Variants in RALYL observed in about 807,000 individuals in gnomAD.
RALYL encodes RALY RNA binding protein like.
Under a neutral mutation model 35.1 loss-of-function variants are expected in RALYL, and 29 were observed. That is an observed-to-expected ratio of 0.83 (90% confidence interval 0.61 to 1.13). The LOEUF is 1.13. Ranked by LOEUF, RALYL falls within the 50% of genes most tolerant of loss-of-function variation. The pLI, the probability that RALYL is intolerant of heterozygous loss-of-function variation, is 0.00. For synonymous variants in RALYL, 120 were observed against 127.6 expected (o/e 0.94, Z 0.40); for missense variants, 359 against 360.4 (o/e 1.00, Z 0.03).
At chr8:84,618,203 G>C (rs1325527757) in intron 2 of RALYL, among the ~76,000 whole-genome samples, 1 of 151,806 alleles carries the variant, frequency 6.6e-6, no homozygotes, top group Non-Finnish European at 1.5e-5. Flanking sequence ...GTAGAATTCG[G>C]CTGTGAATCC....
intron 8 of RALYL, among the ~76,000 whole-genome samples, chr8:84,893,947 G>C (rs547089054): frequency 6.6e-6 from 1 of 152,252 alleles, no homozygotes; most frequent in African/African-American, 2.4e-5. Flanking sequence ...TGAGTACTAC[G>C]TTGTAATACA....
intron 1 of RALYL, among the ~76,000 whole-genome samples, chr8:84,467,608 A>C (rs1265815629): frequency 4.6e-5 from 7 of 151,528 alleles, no homozygotes; most frequent in Admixed American, 3.9e-4. Flanking sequence ...GCTGAAAAAA[A>C]TGTATATTCT....
intron 1 of RALYL, among the ~76,000 whole-genome samples, chr8:84,272,465 G>A: frequency 6.6e-6 from 1 of 152,126 alleles, no homozygotes; most frequent in East Asian, 1.9e-4. Context: ...AAACTAGCAG[G>A]CTGCTGCTAC....
At chr8:84,264,279 G>A (rs1260881794) in intron 1 of RALYL, among the ~76,000 whole-genome samples, 1 of 152,044 alleles carries the variant, frequency 6.6e-6, no homozygotes, top group African/African-American at 2.4e-5. Flanking sequence ...AGCATCTGTT[G>A]TTTCTTGGCT....
intron 2 of RALYL, among the ~76,000 whole-genome samples, chr8:84,732,617 A>G (rs543030717): frequency 3.1e-4 from 46 of 150,044 alleles, no homozygotes; most frequent in Middle Eastern, 3.5e-3. Flanking sequence ...AAAGGATAAA[A>G]CATGTAATTT....
intron 8 of RALYL, among the ~76,000 whole-genome samples, chr8:84,900,513 T>C (rs971040803): frequency 1.3e-5 from 2 of 151,866 alleles, no homozygotes; most frequent in African/African-American, 4.8e-5. Context: ...CCTGTCTCTA[T>C]GAAAAATAGA....
chr8:84,783,268 C>T (rs1442952717), intron 3 of RALYL, among the ~76,000 whole-genome samples: 1 of 152,076 alleles, frequency 6.6e-6, no homozygotes. Context: ...AAGTATTTTC[C>T]CAAGTCAGAA....
intron 2 of RALYL, among the ~76,000 whole-genome samples, chr8:84,741,538 A>C (rs1807306676): frequency 6.6e-6 from 1 of 152,056 alleles, no homozygotes; most frequent in African/African-American, 2.4e-5. Flanking sequence ...GAGAAACTAA[A>C]GGGTAAAAGT....
intron 2 of RALYL, among the ~76,000 whole-genome samples, chr8:84,749,364 A>C (rs777322320): frequency 9.2e-5 from 14 of 152,118 alleles, no homozygotes; most frequent in Non-Finnish European, 1.8e-4. Flanking sequence ...GCTTTGCCTT[A>C]AATGCAATTC....
At chr8:84,460,797 A>G (rs1014435535) in intron 1 of RALYL, among the ~76,000 whole-genome samples, 4 of 151,616 alleles carry the variant, frequency 2.6e-5, no homozygotes, top group African/African-American at 9.7e-5. Context: ...ACTATGGGGT[A>G]ATTTTTAAAA....
chr8:84,389,407 G>T (rs1181287962), intron 1 of RALYL, among the ~76,000 whole-genome samples: 1 of 151,858 alleles, frequency 6.6e-6, no homozygotes, highest in Admixed American at 6.6e-5. Flanking sequence ...GATGGATATG[G>T]CATTAAATCT....
chr8:84,726,914 A>C (rs1845073084), intron 2 of RALYL, among the ~76,000 whole-genome samples: 1 of 152,070 alleles, frequency 6.6e-6, no homozygotes, highest in Non-Finnish European at 1.5e-5. Flanking sequence ...TAGTTAACAA[A>C]ATGCCTTTGC....
At chr8:84,430,169 G>A (rs967585553) in intron 1 of RALYL, among the ~76,000 whole-genome samples, 22 of 151,984 alleles carry the variant, frequency 1.4e-4, no homozygotes, top group African/African-American at 5.1e-4. Context: ...TAAATATATT[G>A]GTCAGAATAA....
chr8:84,641,495 T>C (rs1826317993), intron 2 of RALYL, among the ~76,000 whole-genome samples: 1 of 151,822 alleles, frequency 6.6e-6, no homozygotes, highest in African/African-American at 2.4e-5. Context: ...TATTATTTAA[T>C]TCAAAATAAT....
chr8:84,517,025 G>C lies in RALYL; in HGVS notation c.-23-12274G>C, dbSNP rs2134563712. 3.9e-5 allele frequency among the ~76,000 whole-genome samples: 6 copies of C among 152,270 alleles called. 1 individual carries two copies. In the Middle Eastern group the frequency reaches 0.02, roughly 518 times the overall value. On this transcript the variant is annotated intron_variant, in intron 1 of 8. Coordinates refer to ENST00000521268, the MANE Select transcript of RALYL (RefSeq NM_173848.7). ...ACCTCTCCTGAGTATTAACCCTACA[G>C]ACTGTCTCATTATTTGTATTGTAAT...
chr8:84,664,287 T>C (rs929630048), intron 2 of RALYL, among the ~76,000 whole-genome samples: 6 of 141,102 alleles, frequency 4.3e-5, no homozygotes, highest in East Asian at 2.0e-4. Context: ...TTTTTTTTTT[T>C]CGCTTTGGAT....
At chr8:84,242,067 C>G (rs1385849404) in intron 1 of RALYL, among the ~76,000 whole-genome samples, 2 of 152,150 alleles carry the variant, frequency 1.3e-5, no homozygotes, top group Admixed American at 1.3e-4. Flanking sequence ...GTGTTCTCAT[C>G]GTTCAGCTCC....
At chr8:84,807,258 T>A (rs980589330) in intron 4 of RALYL, among the ~76,000 whole-genome samples, 2 of 152,174 alleles carry the variant, frequency 1.3e-5, no homozygotes, top group African/African-American at 4.8e-5. Flanking sequence ...AGTGAACACA[T>A]ACGATGTTTG....
chr8:84,383,499 T>C (rs937731531), intron 1 of RALYL, among the ~76,000 whole-genome samples: 7 of 151,444 alleles, frequency 4.6e-5, no homozygotes, highest in African/African-American at 1.7e-4. Flanking sequence ...GAAAAGAGTA[T>C]GTTTGGAAAT....
Sources: gnomAD v4.1 joint callset for allele counts (sites outside exome capture counted in the v4.1 genomes callset) on GRCh38, gnomAD v4.1.1 for gene constraint, MANE v1.5 for transcripts, NCBI Gene and HGNC (gene_info 2026-07-23, HGNC 2026-07-21) for gene names.